Variants in NTM observed in about 807,000 individuals in gnomAD.
NTM encodes the protein IgLON family member 2.
In NTM, 13 loss-of-function variants were observed where a neutral mutation model predicts 42.1. The observed-to-expected ratio is 0.31, with a 90% CI of 0.20 to 0.49. NTM has a LOEUF of 0.49. Among genes scored for constraint, NTM ranks in the 20% least tolerant of loss-of-function variants. The pLI, the probability that NTM is intolerant of heterozygous loss-of-function variation, is 0.99. For missense variants in NTM, 373 were observed against 452.8 expected (o/e 0.82, Z 1.60); for synonymous variants, 187 against 179.2 (o/e 1.04, Z -0.35).
At chr11:131,900,185 A>C (rs1399176922) in intron 1 of NTM, among the ~76,000 whole-genome samples, 1 of 152,254 alleles carries the variant, frequency 6.6e-6, no homozygotes, top group Non-Finnish European at 1.5e-5. Context: ...GACCATGGGG[A>C]CTGCATCCTA....
At chr11:132,317,328 G>A (rs2095455360) in intron 7 of NTM, among the ~76,000 whole-genome samples, 1 of 148,054 alleles carries the variant, frequency 6.8e-6, no homozygotes, top group African/African-American at 2.4e-5. Flanking sequence ...TCATCTGGAA[G>A]GAAACTTTAG....
intron 4 of NTM, among the ~76,000 whole-genome samples, chr11:132,255,885 C>G (rs747855523): frequency 2.6e-5 from 4 of 152,142 alleles, no homozygotes; most frequent in African/African-American, 4.8e-5. Flanking sequence ...GGAAGCTGGT[C>G]TCGGTTGCAC....
intron 1 of NTM, among the ~76,000 whole-genome samples, chr11:131,662,856 T>C (rs2068326661): frequency 6.6e-6 from 1 of 152,104 alleles, no homozygotes; most frequent in Non-Finnish European, 1.5e-5. Flanking sequence ...TTGTGATGGA[T>C]GAAGGCAGTC....
intron 4 of NTM, among the ~76,000 whole-genome samples, chr11:132,269,259 A>G (rs1232040871): frequency 6.6e-6 from 1 of 151,690 alleles, no homozygotes; most frequent in Non-Finnish European, 1.5e-5. Context: ...AGATCTGGAG[A>G]GAAGGACAGA....
intron 3 of NTM, among the ~76,000 whole-genome samples, chr11:132,179,354 G>A (rs1411892466): frequency 6.6e-6 from 1 of 152,198 alleles, no homozygotes; most frequent in East Asian, 1.9e-4. Context: ...GCAGGACACA[G>A]ATCTTAATCT....
chr11:132,230,991 G>C (rs1211243989), intron 4 of NTM, among the ~76,000 whole-genome samples: 1 of 152,216 alleles, frequency 6.6e-6, no homozygotes, highest in African/African-American at 2.4e-5. Context: ...CAGCCTGTGT[G>C]ATAGAGTGAC....
At chr11:132,262,117 C>G (rs187409567) in intron 4 of NTM, among the ~76,000 whole-genome samples, 1 of 152,216 alleles carries the variant, frequency 6.6e-6, no homozygotes, top group East Asian at 1.9e-4. Flanking sequence ...GGCATTGTGC[C>G]TGTAGCTGGT....
chr11:132,288,558 C>A (rs1397855479), intron 4 of NTM, among the ~76,000 whole-genome samples: 1 of 152,176 alleles, frequency 6.6e-6, no homozygotes. Context: ...CAAAATATTT[C>A]TTTTGTTGCC....
intron 1 of NTM, among the ~76,000 whole-genome samples, chr11:131,882,876 G>GA (rs1555165815): frequency 6.6e-6 from 1 of 151,144 alleles, no homozygotes; most frequent in Non-Finnish European, 1.5e-5. Context: ...CTACTTCACT[G>GA]TTTTTTTTTC....
At chr11:131,871,527 A>G (rs1007814558) in intron 1 of NTM, among the ~76,000 whole-genome samples, 35 of 152,240 alleles carry the variant, frequency 2.3e-4, no homozygotes, top group Non-Finnish European at 2.8e-4. Context: ...TGATACAACT[A>G]TAGCTATTAG....
intron 1 of NTM, among the ~76,000 whole-genome samples, chr11:131,818,153 C>A (rs1177609208): frequency 1.3e-5 from 2 of 152,170 alleles, no homozygotes; most frequent in Non-Finnish European, 2.9e-5. Flanking sequence ...CACCTTCACG[C>A]TGCAGTGCAT....
In NTM at chr11:132,314,579, A is replaced by G. The variant is rs774776729; in HGVS notation, c.810A>G (p.Lys270=). The G allele has an allele frequency of 1.2e-6, 2 of 1,613,220 alleles. No individual in the cohort carries two copies. The highest frequency in any genetic ancestry group is 1.7e-6 in the Non-Finnish European group (2 of 1,179,634). Residue 270 remains lysine (K), a synonymous_variant, in exon 7 of 9, where the codon AAA becomes AAG. Coordinates refer to ENST00000683400, the MANE Select transcript of NTM (RefSeq NM_001352005.2). ...TGATTGAAGGAAAGAAAGGGGTGAA[A>G]GTGGAAAACAGACCTTTCCTCTCAA... The part of the protein sequence containing the change: ...KRLIEGKKGV[K]VENRPFLSKL...
At chr11:132,295,132 T>TCACACACACAAACACA (rs2094568132) in intron 4 of NTM, among the ~76,000 whole-genome samples, 1 of 151,786 alleles carries the variant, frequency 6.6e-6, no homozygotes, top group African/African-American at 2.4e-5. Flanking sequence ...TCTGTCTCTC[T>TCACACACACAAACACA]CACACACACA....
chr11:131,401,548 A>C (rs528863219), intron 1 of NTM, among the ~76,000 whole-genome samples: 1 of 151,772 alleles, frequency 6.6e-6, no homozygotes, highest in South Asian at 2.1e-4. Flanking sequence ...ACATGATTTT[A>C]ATTTCTGGAA....
chr11:132,309,531 C>T (rs746391033), intron 5 of NTM, among the ~76,000 whole-genome samples: 16 of 152,038 alleles, frequency 1.1e-4, no homozygotes, highest in Non-Finnish European at 1.8e-4. Flanking sequence ...CTGGCATCAT[C>T]CTATGAAAGT....
chr11:132,110,008 C>T (rs1259213343), intron 2 of NTM, among the ~76,000 whole-genome samples: 1 of 152,218 alleles, frequency 6.6e-6, no homozygotes, highest in East Asian at 1.9e-4. Context: ...ATGTTACCTC[C>T]TCAAAATGGA....
intron 2 of NTM, among the ~76,000 whole-genome samples, chr11:132,059,725 G>A (rs1320106164): frequency 8.9e-6 from 1 of 112,962 alleles, no homozygotes; most frequent in Non-Finnish European, 1.9e-5. Flanking sequence ...ATCCTCCCCC[G>A]CCCCACACCA....
At chr11:132,171,224 A>G (rs1480987033) in intron 3 of NTM, among the ~76,000 whole-genome samples, 1 of 152,164 alleles carries the variant, frequency 6.6e-6, no homozygotes. Flanking sequence ...GAGCATGCTG[A>G]CTTCCATTCA....
chr11:131,486,268 G>A (rs1372124826), intron 1 of NTM, among the ~76,000 whole-genome samples: 1 of 152,164 alleles, frequency 6.6e-6, no homozygotes, highest in African/African-American at 2.4e-5. Flanking sequence ...AATGGGGGTG[G>A]TTGTAGCTTT....
Sources: gnomAD v4.1 joint callset for allele counts (sites outside exome capture counted in the v4.1 genomes callset) on GRCh38, gnomAD v4.1.1 for gene constraint, MANE v1.5 for transcripts, NCBI Gene and HGNC (gene_info 2026-07-23, HGNC 2026-07-21) for gene names.